Variants in LRBA observed in about 807,000 individuals in gnomAD.
LRBA encodes the protein lipopolysaccharide-responsive and beige-like anchor protein.
A neutral mutation model predicts 330.0 loss-of-function variants in LRBA; 176 were observed. That is an observed-to-expected ratio of 0.53 (90% CI 0.47 to 0.60). LRBA has a LOEUF of 0.60. LRBA is among the 20% of genes least tolerant of loss of function. LRBA has a pLI of 0.00. For synonymous variants in LRBA, 1,230 were observed against 1,193.0 expected (o/e 1.03, Z -0.64); for missense variants, 3,259 against 3,444.8 (o/e 0.95, Z 1.35).
intron 37 of LRBA, among the ~76,000 whole-genome samples, chr4:150,637,359 T>C (rs1440902938): frequency 1.3e-5 from 2 of 152,162 alleles, no homozygotes; most frequent in African/African-American, 4.8e-5. Context: ...AATTAGGTAG[T>C]GTATATACTG....
intron 37 of LRBA, among the ~76,000 whole-genome samples, chr4:150,606,985 C>G (rs1360851165): frequency 6.6e-6 from 1 of 152,094 alleles, no homozygotes; most frequent in Non-Finnish European, 1.5e-5. Flanking sequence ...AAATGATAAA[C>G]AGGAGTCTGC....
chr4:150,464,457 C>T (rs1265562056), intron 44 of LRBA, among the ~76,000 whole-genome samples: 1 of 152,102 alleles, frequency 6.6e-6, no homozygotes, highest in East Asian at 1.9e-4. Flanking sequence ...CAAACTAATA[C>T]AGTCCTCATT....
At chr4:150,868,605 T>C (rs1753035420) in intron 20 of LRBA, among the ~76,000 whole-genome samples, 1 of 152,160 alleles carries the variant, frequency 6.6e-6, no homozygotes, top group Non-Finnish European at 1.5e-5. Flanking sequence ...GTGAAACTGC[T>C]TACTCTCTCT....
intron 36 of LRBA, among the ~76,000 whole-genome samples, chr4:150,734,617 A>T (rs995920061): frequency 2.0e-5 from 3 of 152,172 alleles, no homozygotes; most frequent in Non-Finnish European, 2.9e-5. Context: ...AGTTCACCTT[A>T]GGTGAATTTG....
intron 17 of LRBA, among the ~76,000 whole-genome samples, chr4:150,891,190 C>T (rs2127089893): frequency 6.6e-6 from 1 of 152,248 alleles, no homozygotes; most frequent in South Asian, 2.1e-4. Flanking sequence ...CCATTACATT[C>T]CTAAGTATGG....
intron 40 of LRBA, among the ~76,000 whole-genome samples, chr4:150,557,761 A>G (rs188147821): frequency 1.3e-5 from 2 of 152,308 alleles, no homozygotes; most frequent in African/African-American, 2.4e-5. Context: ...ACATCATATC[A>G]TATCATAGCT....
intron 2 of LRBA, among the ~76,000 whole-genome samples, chr4:150,972,800 T>G: frequency 6.6e-6 from 1 of 152,242 alleles, no homozygotes; most frequent in East Asian, 1.9e-4. Context: ...ACAAAGCAGT[T>G]ATTTCCTGCC....
chr4:150,296,560 A>C (rs1728998255), intron 53 of LRBA, among the ~76,000 whole-genome samples: 1 of 152,212 alleles, frequency 6.6e-6, no homozygotes, highest in African/African-American at 2.4e-5. Flanking sequence ...TCAATTTTTA[A>C]AAATTTGTTA....
intron 40 of LRBA, among the ~76,000 whole-genome samples, chr4:150,496,566 A>T (rs560236492): frequency 1.3e-5 from 2 of 152,174 alleles, no homozygotes; most frequent in South Asian, 2.1e-4. Flanking sequence ...AAAGTGATAA[A>T]ATGTTTTACC....
In LRBA at chr4:150,321,125, T is replaced by C. The variant is rs2126924620; in HGVS notation, c.7630+66A>G. 1.1e-5 allele frequency: 14 copies of C among 1,297,976 alleles called. No homozygotes were observed. The highest frequency in any genetic ancestry group is 1.4e-5 in the South Asian group (1 of 71,468). The allele number at this position is 1,297,976 out of a possible 1,614,324, so 80.4% of individuals were successfully genotyped here. ...AAAGCTTAAATGTTGAGATATGCTA[T>C]ATTTAAGTGGGTATTACACAGTGTT... is the stretch of plus-strand genomic sequence containing the variant. On this transcript the variant is annotated intron_variant, in intron 50 of 56. Coordinates refer to ENST00000651943, the MANE Select transcript of LRBA (RefSeq NM_001364905.1). The surrounding 1 kb of genome is among the most constrained non-coding windows in gnomAD (Gnocchi z 4.5).
chr4:150,701,882 G>C (rs1411136797), intron 36 of LRBA, among the ~76,000 whole-genome samples: 1 of 151,996 alleles, frequency 6.6e-6, no homozygotes, highest in Non-Finnish European at 1.5e-5. Context: ...AAGAGAAAGG[G>C]GTACATTAAT....
intron 40 of LRBA, among the ~76,000 whole-genome samples, chr4:150,512,834 T>C (rs1761973201): frequency 1.3e-5 from 2 of 150,756 alleles, no homozygotes; most frequent in African/African-American, 4.9e-5. Flanking sequence ...GAACAGGTAA[T>C]AAAAATATGC....
At chr4:150,373,088 T>C (rs1480653076) in intron 47 of LRBA, among the ~76,000 whole-genome samples, 1 of 150,512 alleles carries the variant, frequency 6.6e-6, no homozygotes, top group Non-Finnish European at 1.5e-5. Context: ...TACATTCAGA[T>C]GACTGCAGCC....
chr4:150,989,239 G>A (rs1741801606), intron 2 of LRBA, among the ~76,000 whole-genome samples: 1 of 150,662 alleles, frequency 6.6e-6, no homozygotes, highest in South Asian at 2.1e-4. Flanking sequence ...CTCCCGATCT[G>A]AAGTGATCCA....
intron 36 of LRBA, among the ~76,000 whole-genome samples, chr4:150,700,159 T>C (rs1378060174): frequency 2.0e-5 from 3 of 152,166 alleles, no homozygotes; most frequent in Non-Finnish European, 4.4e-5. Flanking sequence ...ATTTTATCTT[T>C]CATATTTATT....
chr4:150,793,847 T>C (rs1740361077), intron 34 of LRBA, among the ~76,000 whole-genome samples: 1 of 152,234 alleles, frequency 6.6e-6, no homozygotes, highest in South Asian at 2.1e-4. Flanking sequence ...TAAGCCATAA[T>C]GTGCTAGGTA....
At chr4:150,577,583 A>G (rs550166494) in intron 40 of LRBA, among the ~76,000 whole-genome samples, 26 of 152,170 alleles carry the variant, frequency 1.7e-4, no homozygotes, top group African/African-American at 6.3e-4. Flanking sequence ...TCCTCCAGAA[A>G]TGCTTTCTTT....
At chr4:150,354,147 T>A (rs1035913412) in intron 47 of LRBA, among the ~76,000 whole-genome samples, 4 of 152,132 alleles carry the variant, frequency 2.6e-5, no homozygotes, top group Non-Finnish European at 5.9e-5. Flanking sequence ...TGGAATACCC[T>A]GAGGTTGCCT....
At chr4:150,847,173 TAA>T (rs1749968343) in intron 26 of LRBA, among the ~76,000 whole-genome samples, 1 of 152,196 alleles carries the variant, frequency 6.6e-6, no homozygotes, top group Non-Finnish European at 1.5e-5. Context: ...TAGCTATAGA[TAA>T]GTTTCCCAAT....
Sources: allele counts gnomAD v4.1 joint callset (sites outside exome capture counted in the v4.1 genomes callset), GRCh38; gene constraint gnomAD v4.1.1; non-coding constraint Gnocchi (gnomAD v3.1); transcripts MANE v1.5; gene names NCBI Gene and HGNC (gene_info 2026-07-23, HGNC 2026-07-21).